Variants in ADAM7 observed in about 807,000 individuals in gnomAD.
ADAM7 encodes the protein disintegrin and metalloproteinase domain-containing protein 7.
Under a neutral mutation model 102.9 loss-of-function variants are expected in ADAM7, and 97 were observed. That is an observed-to-expected ratio of 0.94 (90% CI 0.80 to 1.12). ADAM7 has a LOEUF of 1.12. Among genes scored for constraint, ADAM7 ranks in the 50% most tolerant of loss-of-function variants. The pLI, the probability that ADAM7 is intolerant of heterozygous loss-of-function variation, is 0.00. For synonymous variants in ADAM7, 334 were observed against 304.4 expected, an observed-to-expected ratio of 1.10 and a Z score of -1.01; for missense variants, 991 against 908.7, an observed-to-expected ratio of 1.09 and a Z score of -1.16.
chr8:24,463,180 T>G (rs1819307783), intron 3 of ADAM7, among the ~76,000 whole-genome samples: 1 of 152,180 alleles, frequency 6.6e-6, no homozygotes, highest in Non-Finnish European at 1.5e-5. Context: ...ATCTGCTTGA[T>G]GGAGTCAGGA....
At chr8:24,490,944 T>G in intron 13 of ADAM7, 56 bp downstream of exon 13, 3 of 1,570,994 alleles carry the variant, frequency 1.9e-6, no homozygotes, top group Admixed American at 3.5e-5. Flanking sequence ...ATATGTAGGA[T>G]CCAAGAGTTA....
At chr8:24,483,189 A>G (rs907923323) in intron 9 of ADAM7, among the ~76,000 whole-genome samples, 1 of 152,180 alleles carries the variant, frequency 6.6e-6, no homozygotes, top group Non-Finnish European at 1.5e-5. Flanking sequence ...AAAGGGGACC[A>G]TTTTTATCAT....
rs1178170084 is a variant in ADAM7, at chr8:24,502,466, TG to T, written c.2208+891del. On this transcript the variant is annotated intron_variant, in intron 20 of 21. Coordinates refer to ENST00000175238, the MANE Select transcript of ADAM7 (RefSeq NM_003817.4). ...GAAAACAGAAAAATAACAGAGAAAA[TG>T]TATTTTGAGAAGATTAATAAATTTT... Among the ~76,000 whole-genome samples the T allele has an allele frequency of 4.6e-5, 7 of 151,826 alleles. No homozygotes were observed. In the East Asian group the frequency reaches 1.4e-3, roughly 29 times the overall value.
intron 20 of ADAM7, among the ~76,000 whole-genome samples, chr8:24,502,599 T>C (rs553506837): frequency 6.6e-6 from 1 of 152,066 alleles, no homozygotes; most frequent in South Asian, 2.1e-4. Context: ...AATTAGAAAA[T>C]ATTATGAAAA....
At position 24,490,617 on chromosome 8, in the gene ADAM7, G is replaced by A. The variant is rs543322016; in HGVS notation, c.1267-182G>A. 13 of 583,906 alleles carry A rather than the reference G, an allele frequency of 2.2e-5. No homozygotes were observed. In the South Asian group the frequency reaches 2.7e-4, roughly 12 times the overall value. The allele number at this position is 583,906 out of a possible 1,614,324, so 36.2% of individuals were successfully genotyped here. A position where few individuals can be genotyped will look rare whatever the true frequency, so the allele number is the denominator to read the frequency against. ...AATGTACCAAACAGCACGAGAGAAG[G>A]AGAAATAGTTAAAGTCCCAAATACC... On this transcript the variant is annotated intron_variant, in intron 12 of 21. Transcript: ENST00000175238.
intron 3 of ADAM7, among the ~76,000 whole-genome samples, chr8:24,462,948 G>C (rs568564976): frequency 1.3e-5 from 2 of 152,092 alleles, no homozygotes; most frequent in African/African-American, 4.8e-5. Flanking sequence ...TAATCTAAGA[G>C]TAATGTTCAA....
intron 3 of ADAM7, among the ~76,000 whole-genome samples, chr8:24,454,274 G>T (rs1379256628): frequency 6.6e-6 from 1 of 152,248 alleles, no homozygotes; most frequent in Non-Finnish European, 1.5e-5. Flanking sequence ...TACAGAGGCA[G>T]GCCGGTCTCC....
At chr8:24,498,531 AAAATG>A (rs1409069189) in intron 16 of ADAM7, among the ~76,000 whole-genome samples, 3 of 149,234 alleles carry the variant, frequency 2.0e-5, no homozygotes, top group Non-Finnish European at 4.5e-5. Flanking sequence ...TCAGGTAAAT[AAAATG>A]AAAGGACTAA....
rs1302648797 is a variant in ADAM7 at position 24,441,268 on chromosome 8, T to C, written c.52+108T>C. On this transcript the variant is annotated intron_variant, in intron 1 of 21. Coordinates refer to ENST00000175238, the MANE Select transcript of ADAM7 (RefSeq NM_003817.4). ...GATAAAAACATTAAACGTTGATGAT[T>C]TTTCTGAGAGCTTCGACTAGATTAC... The C allele has an allele frequency of 2.7e-6, 3 of 1,123,624 alleles. No individual in the cohort carries two copies. In the African/African-American group the frequency reaches 4.6e-5, roughly 17 times the overall value. The allele number at this position is 1,123,624 out of a possible 1,614,324, so 69.6% of individuals were successfully genotyped here. A position where few individuals can be genotyped will look rare whatever the true frequency, so the allele number is the denominator to read the frequency against.
At chr8:24,502,939 T>C (rs149995522) in intron 20 of ADAM7, among the ~76,000 whole-genome samples, 1 of 152,100 alleles carries the variant, frequency 6.6e-6, no homozygotes, top group East Asian at 1.9e-4. Context: ...TACTAACTAA[T>C]ACACTAACAA....
chr8:24,445,752 T>A (rs2129372475), intron 2 of ADAM7, among the ~76,000 whole-genome samples: 1 of 152,314 alleles, frequency 6.6e-6, no homozygotes, highest in South Asian at 2.1e-4. Flanking sequence ...AATCTTTGAC[T>A]TACTAGGTTG....
rs1252357724 is a variant in ADAM7 at position 24,489,175 on chromosome 8, T to C, written c.1108T>C (p.Phe370Leu). 6.2e-6 allele frequency: 10 copies of C among 1,611,050 alleles called. No homozygotes were observed. Among genetic ancestry groups the C allele is most frequent in the Non-Finnish European group, 6.8e-6 (8 of 1,178,774 alleles). ...TATCTCTAGCATTCCTGCACTGAAA[T>C]TCAGTAAATGCAGCCAAAACCAATA... Reference protein sequence around the residue: ...DSDGSIPALKFSKCSQNQYHQ... With the variant: ...DSDGSIPALKLSKCSQNQYHQ... The change falls in exon 12 of 22, where the codon TTC becomes CTC. Residue 370 changes from phenylalanine to leucine, a missense_variant. Physicochemically the swap from Phe to Leu is conservative, Grantham distance 22 (BLOSUM62 0). Coordinates refer to ENST00000175238, the MANE Select transcript of ADAM7 (RefSeq NM_003817.4).
At chr8:24,488,254 A>G (rs1411092845) in intron 11 of ADAM7, among the ~76,000 whole-genome samples, 1 of 152,162 alleles carries the variant, frequency 6.6e-6, no homozygotes. Context: ...CATATTAAAC[A>G]CTCCATAAAC....
intron 2 of ADAM7, among the ~76,000 whole-genome samples, chr8:24,444,460 A>G (rs986163266): frequency 3.3e-5 from 5 of 151,766 alleles, no homozygotes; most frequent in African/African-American, 1.2e-4. Context: ...GAGTCATTTT[A>G]CAGAGAGAAA....
intron 16 of ADAM7, among the ~76,000 whole-genome samples, chr8:24,493,819 T>G (rs1418754552): frequency 6.6e-6 from 1 of 152,152 alleles, no homozygotes; most frequent in Non-Finnish European, 1.5e-5. Flanking sequence ...AGAAGACATT[T>G]TAGCAAAAAA....
At chr8:24,496,903 G>A (rs1390526724) in intron 16 of ADAM7, among the ~76,000 whole-genome samples, 1 of 152,134 alleles carries the variant, frequency 6.6e-6, no homozygotes, top group African/African-American at 2.4e-5. Context: ...GGGACTGTTG[G>A]GAAGGCATGA....
intron 7 of ADAM7, among the ~76,000 whole-genome samples, chr8:24,472,838 C>T (rs533092693): frequency 4.3e-4 from 66 of 151,880 alleles, no homozygotes; most frequent in Admixed American, 8.5e-4. Context: ...TCTTTGAAAA[C>T]ATTAATGAAA....
chr8:24,447,155 T>C (rs762887153), intron 2 of ADAM7, 31 bp from the exon 3 acceptor site: 16 of 1,340,392 alleles, frequency 1.2e-5, no homozygotes, highest in Admixed American at 1.9e-5. Flanking sequence ...TGAGCCCATG[T>C]TGAAGTCACG....
At chr8:24,465,064 C>T (rs1027579022) in intron 4 of ADAM7, among the ~76,000 whole-genome samples, 13 of 152,194 alleles carry the variant, frequency 8.5e-5, no homozygotes, top group African/African-American at 2.9e-4. Flanking sequence ...AGATGACAGG[C>T]GTAATCTACC....
Sources: gnomAD v4.1 joint callset for allele counts (sites outside exome capture counted in the v4.1 genomes callset) on GRCh38, gnomAD v4.1.1 for gene constraint, MANE v1.5 for transcripts, NCBI Gene and HGNC (gene_info 2026-07-23, HGNC 2026-07-21) for gene names.